PHAX: variants seen among roughly 807,000 people sequenced by gnomAD.
PHAX encodes phosphorylated adapter RNA export protein.
Under a neutral mutation model 41.6 loss-of-function variants are expected in PHAX, and 31 were observed. The ratio of observed to expected loss-of-function variants is 0.75; its 90% CI spans 0.56 to 1.01. The LOEUF is 1.01. Ranked by LOEUF, PHAX falls within the 50% of genes least tolerant of loss-of-function variation. The pLI is 0.00. For synonymous variants in PHAX, 175 were observed against 164.9 expected, an observed-to-expected ratio of 1.06 and a Z score of -0.47; for missense variants, 453 against 472.9, an observed-to-expected ratio of 0.96 and a Z score of 0.39.
chr5:126,607,273 G>T (rs1359098447), intron 2 of PHAX, among the ~76,000 whole-genome samples: 1 of 151,188 alleles, frequency 6.6e-6, no homozygotes. Flanking sequence ...TCATTTCACA[G>T]ATTAATATTA....
chr5:126,624,938 A>AT lies in PHAX; in HGVS notation c.*95dup. On this transcript the variant is annotated 3_prime_UTR_variant, in exon 5 of 5. Coordinates refer to ENST00000297540, the MANE Select transcript of PHAX (RefSeq NM_032177.4). The stretch of plus-strand genomic sequence containing the variant: ...ATTGCAACGTTTTGCACTGATAAAC[A>AT]TGAGAATCTGGAGGAAAGACAATTG... The AT allele has an allele frequency of 4.5e-6, 5 of 1,099,558 alleles. No homozygotes were observed. Among genetic ancestry groups the AT allele is most frequent in the Non-Finnish European group, 6.5e-6 (5 of 767,836 alleles). 68.1% of individuals were successfully genotyped at this position (1,099,558 alleles called of 1,614,324 possible). A position where few individuals can be genotyped will look rare whatever the true frequency, so the allele number is the denominator to read the frequency against.
In PHAX at chr5:126,603,926, C is replaced by T. The variant is rs1751945740; in HGVS notation, c.453C>T (p.Thr151=). 6.2e-7 allele frequency: 1 copy of T among 1,613,950 alleles called. No homozygotes were observed. Among genetic ancestry groups the T allele is most frequent in the Non-Finnish European group, 8.5e-7 (1 of 1,180,020 alleles). The change falls in exon 2 of 5, where the codon ACC becomes ACT. Residue 151 remains threonine, a synonymous_variant. Transcript: ENST00000297540. The stretch of plus-strand genomic sequence containing the variant: ...TTGACAGAAGCAGACAATCCGAGAC[C>T]TACAATTATTTGCTTGCCAAGAAAC... ...GTIDRSRQSE[T]YNYLLAKKLR... is the part of the protein sequence containing the mutation.
chr5:126,620,452 A>T (rs1444767436), intron 4 of PHAX, among the ~76,000 whole-genome samples: 3 of 152,216 alleles, frequency 2.0e-5, no homozygotes, highest in Admixed American at 6.5e-5. Flanking sequence ...TTAATATTAT[A>T]TAACTTAATC....
At chr5:126,617,026 A>C (rs1752196748) in intron 3 of PHAX, among the ~76,000 whole-genome samples, 1 of 152,194 alleles carries the variant, frequency 6.6e-6, no homozygotes, top group Non-Finnish European at 1.5e-5. Flanking sequence ...GAATTTCAGA[A>C]TTAAAAAAGA....
chr5:126,604,772 A>G (rs1194756595), intron 2 of PHAX, among the ~76,000 whole-genome samples: 1 of 152,030 alleles, frequency 6.6e-6, no homozygotes, highest in African/African-American at 2.4e-5. Context: ...AGAGTGGCTC[A>G]TGCTTGTAAT....
rs1055490173 is a variant in PHAX, at chr5:126,627,175, C to T, written c.*2331C>T. On this transcript the variant is annotated 3_prime_UTR_variant, in exon 5 of 5. Coordinates refer to ENST00000297540, the MANE Select transcript of PHAX (RefSeq NM_032177.4). ...GAGAATGTGGTCATTGAAGTTGGAT[C>T]TAAGAGGAAAGTGGTTATCGGTTGC... The T allele has an allele frequency of 2.0e-5, 3 of 152,056 alleles. No individual in the cohort carries two copies. The highest frequency in any genetic ancestry group is 2.9e-5 in the Non-Finnish European group (2 of 68,018). 9.4% of individuals were successfully genotyped at this position (152,056 alleles called of 1,614,324 possible).
Position 126,626,275 on chromosome 5 carries a change from C to G in PHAX, c.*1431C>G, listed in dbSNP as rs917418283. 6.6e-6 allele frequency: 1 copy of G among 152,018 alleles called. No individual in the cohort carries two copies. The highest frequency in any genetic ancestry group is 2.4e-5 in the African/African-American group (1 of 41,380). 9.4% of individuals were successfully genotyped at this position (152,018 alleles called of 1,614,324 possible). ...GGCAGCCTGCCTAAGACTGTCTTAC[C>G]TTATGTTAAGGAAGTCAGGTATTTA... On this transcript the variant is annotated 3_prime_UTR_variant, in exon 5 of 5. Coordinates refer to ENST00000297540, the MANE Select transcript of PHAX (RefSeq NM_032177.4).
chr5:126,626,134 C>G lies in PHAX; in HGVS notation c.*1290C>G, dbSNP rs374694375. Reference sequence around the variant, plus strand: ...GTGGCGCACACCTGCAATCCCAACACTTTGGGAGGCCAAGAGAGGAAGATT... The same window carrying G: ...GTGGCGCACACCTGCAATCCCAACAGTTTGGGAGGCCAAGAGAGGAAGATT... On this transcript the variant is annotated 3_prime_UTR_variant, in exon 5 of 5. Transcript: ENST00000297540. The G allele has an allele frequency of 6.5e-5, 9 of 139,172 alleles. No homozygotes were observed. The highest frequency in any genetic ancestry group is 2.4e-4 in the African/African-American group (8 of 32,956). 8.6% of individuals were successfully genotyped at this position (139,172 alleles called of 1,614,324 possible).
At chr5:126,610,573 A>C (rs1020199234) in intron 3 of PHAX, among the ~76,000 whole-genome samples, 1 of 152,262 alleles carries the variant, frequency 6.6e-6, no homozygotes, top group African/African-American at 2.4e-5. Context: ...AAAGTACTTC[A>C]ATTTTCATTC....
chr5:126,619,270 A>G (rs968955965), intron 4 of PHAX, among the ~76,000 whole-genome samples: 2 of 151,664 alleles, frequency 1.3e-5, no homozygotes, highest in African/African-American at 4.8e-5. Flanking sequence ...CATGATTTAG[A>G]CCTTTTGAAG....
At chr5:126,601,405 A>G (rs1751901233) in intron 1 of PHAX, among the ~76,000 whole-genome samples, 1 of 152,134 alleles carries the variant, frequency 6.6e-6, no homozygotes, top group Non-Finnish European at 1.5e-5. Flanking sequence ...ACCTCCGCCT[A>G]CCGCTCTTTC....
chr5:126,608,924 C>G lies in PHAX; in HGVS notation c.831+440C>G, dbSNP rs529778131. Among the ~76,000 whole-genome samples, 84 of 141,364 alleles carry G rather than the reference C, an allele frequency of 5.9e-4. 1 individual carries two copies. In the South Asian group the frequency reaches 0.018, roughly 30 times the overall value. 92.7% of individuals were successfully genotyped at this position (141,364 alleles called of 152,430 possible). A position where few individuals can be genotyped will look rare whatever the true frequency, so the allele number is the denominator to read the frequency against. ...TGCACTCCATCCTGGGCAACAGGAG[C>G]GAAACTCCGTCTCAAAAAAAAAAAG... On this transcript the variant is annotated intron_variant, in intron 3 of 4. Coordinates refer to ENST00000297540, the MANE Select transcript of PHAX (RefSeq NM_032177.4).
chr5:126,608,524 C>A (rs140607382), intron 3 of PHAX, 40 bp downstream of exon 3: 5 of 933,708 alleles, frequency 5.4e-6, no homozygotes, highest in South Asian at 3.2e-5. Context: ...TATTGTTTAT[C>A]CTGTGTTTTT....
chr5:126,623,904 T>C lies in PHAX; in HGVS notation c.916-671T>C, dbSNP rs79420623. On this transcript the variant is annotated intron_variant, in intron 4 of 4. Coordinates refer to ENST00000297540, the MANE Select transcript of PHAX (RefSeq NM_032177.4). The stretch of plus-strand genomic sequence containing the variant: ...GTCCTGCCTACACTAGCTTCTTTTT[T>C]AAACCTTTGAACCGTCTCTGTTTTA... Among the ~76,000 whole-genome samples, 446 of 152,272 alleles carry C rather than the reference T, an allele frequency of 2.9e-3. 2 individuals are homozygous for C. The highest frequency in any genetic ancestry group is 0.01 in the African/African-American group (423 of 41,570).
intron 4 of PHAX, among the ~76,000 whole-genome samples, chr5:126,620,987 C>A (rs187636680): frequency 6.6e-6 from 1 of 152,128 alleles, no homozygotes; most frequent in African/African-American, 2.4e-5. Flanking sequence ...CCACCCTCCT[C>A]GGCCTCCCAA....
chr5:126,609,695 A>G lies in PHAX; in HGVS notation c.831+1211A>G, dbSNP rs1455840764. ...TCATTTTGGTTCACTTAATTCATGC[A>G]TTCTTGAAAAAGAGGGCAAAAAAAA... On this transcript the variant is annotated intron_variant, in intron 3 of 4. Coordinates refer to ENST00000297540, the MANE Select transcript of PHAX (RefSeq NM_032177.4). Among the ~76,000 whole-genome samples, 8 of 149,002 alleles carry G rather than the reference A, an allele frequency of 5.4e-5. No homozygotes were observed. The East Asian group carries it at 1.2e-3, about 22-fold the overall frequency.
At chr5:126,620,162 G>T (rs1201384842) in intron 4 of PHAX, among the ~76,000 whole-genome samples, 1 of 152,116 alleles carries the variant, frequency 6.6e-6, no homozygotes, top group Non-Finnish European at 1.5e-5. Context: ...AAATGTTACT[G>T]TAAATCTAAA....
intron 3 of PHAX, among the ~76,000 whole-genome samples, chr5:126,613,580 A>G (rs1171257418): frequency 7.2e-5 from 11 of 152,010 alleles, no homozygotes. Flanking sequence ...TGGGAGGCTA[A>G]GGAGGTGGGA....
intron 4 of PHAX, among the ~76,000 whole-genome samples, chr5:126,623,409 C>T (rs988864822): frequency 3.9e-5 from 6 of 152,192 alleles, no homozygotes; most frequent in Non-Finnish European, 8.8e-5. Flanking sequence ...GGATAGTTAA[C>T]TACCTCATAA....
Sources: gnomAD v4.1 joint callset for allele counts (sites outside exome capture counted in the v4.1 genomes callset) on GRCh38, gnomAD v4.1.1 for gene constraint, MANE v1.5 for transcripts, NCBI Gene and HGNC (gene_info 2026-07-23, HGNC 2026-07-21) for gene names.